The following TMPRSS2 variants were observed in gnomAD, a reference collection of about 807,000 sequenced individuals.
TMPRSS2 encodes the protein transmembrane serine protease 2.
TMPRSS2 carries 59 observed loss-of-function variants against 67.4 expected under a neutral mutation model. The observed-to-expected ratio is 0.88, with a 90% CI of 0.71 to 1.09. The LOEUF is 1.09. Ranked by LOEUF, TMPRSS2 falls within the 50% of genes least tolerant of loss-of-function variation. The probability of loss-of-function intolerance (pLI) is 0.00; values close to 1 mark genes in which losing one functional copy is unlikely to be tolerated. For synonymous variants in TMPRSS2, 257 were observed against 257.0 expected (o/e 1.00, Z 0.00); for missense variants, 668 against 642.7 (o/e 1.04, Z -0.43).
chr21:41,480,783 C>G (rs754302928), intron 5 of TMPRSS2, among the ~76,000 whole-genome samples, 181 bp from the exon 6 acceptor site: 4 of 152,116 alleles, frequency 2.6e-5, no homozygotes, highest in Admixed American at 6.5e-5. Context: ...GGATTACAGG[C>G]GTCCACCACC....
Position 41,494,442 on chromosome 21 carries a change from T to C in TMPRSS2, c.152A>G (p.Gln51Arg), listed in dbSNP as rs752650649. The C allele has an allele frequency of 4.6e-5, 75 of 1,613,374 alleles. No individual in the cohort carries two copies. The highest frequency in any genetic ancestry group is 6.1e-5 in the Non-Finnish European group (72 of 1,179,834). ...CTGCGTCAGGACCCTCGGGGCGTAC[T>C]GGGGCACGGGGGACGGGTAGTACTG... ...PAQYYPSPVP[Q>R]YAPRVLTQAS... The change falls in exon 3 of 14, where the codon CAG becomes CGG. Residue 51 changes from glutamine (Q) to arginine (R), a missense_variant. Transcript: ENST00000332149.
chr21:41,494,312 G>C (rs1445734871), intron 3 of TMPRSS2, 44 bp downstream of exon 3: 1 of 1,604,040 alleles, frequency 6.2e-7, no homozygotes, highest in Non-Finnish European at 8.5e-7. Flanking sequence ...GTAGACCCGG[G>C]ACCCCGGGTT....
intron 11 of TMPRSS2, among the ~76,000 whole-genome samples, chr21:41,469,129 A>T (rs1288933014): frequency 6.6e-6 from 1 of 151,752 alleles, no homozygotes; most frequent in African/African-American, 2.4e-5. Flanking sequence ...CCCACCCCAA[A>T]TTCTCACCAA....
intron 1 of TMPRSS2, among the ~76,000 whole-genome samples, chr21:41,505,643 G>A (rs2091452651): frequency 1.3e-5 from 2 of 152,200 alleles, no homozygotes; most frequent in South Asian, 4.1e-4. Flanking sequence ...GTGGGCAGGG[G>A]CTGGGCTCTT....
At chr21:41,476,504 G>C (rs2091214385) in intron 8 of TMPRSS2, 73 bp downstream of exon 8, 1 of 1,474,030 alleles carries the variant, frequency 6.8e-7, no homozygotes, top group Non-Finnish European at 9.5e-7. Context: ...CAGAGACACA[G>C]GGAGTACTGT....
intron 13 of TMPRSS2, 86 bp from the exon 14 acceptor site, chr21:41,466,239 A>T (rs2146416871): frequency 7.1e-7 from 1 of 1,402,280 alleles, no homozygotes; most frequent in South Asian, 1.2e-5. Context: ...GTTCGCATGA[A>T]GCACTTAGAA....
intron 6 of TMPRSS2, 72 bp from the exon 7 acceptor site, chr21:41,479,354 T>G: frequency 9.1e-7 from 1 of 1,101,042 alleles, no homozygotes. Flanking sequence ...TATGTCATAA[T>G]ACCGCTCATA....
chr21:41,494,684 T>C lies in TMPRSS2; in HGVS notation c.16-106A>G, dbSNP rs1269944295. 5.8e-6 allele frequency: 6 copies of C among 1,042,332 alleles called. No homozygotes were observed. In the South Asian group the frequency reaches 6.8e-5, roughly 12 times the overall value. The allele number at this position is 1,042,332 out of a possible 1,614,324, so 64.6% of individuals were successfully genotyped here. ...ACAGCTATACCAATGATCTTTTAAA[T>C]TGATAATGTTTTTATTTTATTTTGT... is the stretch of plus-strand genomic sequence containing the variant. On this transcript the variant is annotated intron_variant, in intron 2 of 13. Transcript: ENST00000332149.
chr21:41,504,768 A>G (rs2091446425), intron 1 of TMPRSS2, among the ~76,000 whole-genome samples: 1 of 152,140 alleles, frequency 6.6e-6, no homozygotes, highest in Admixed American at 6.5e-5. Flanking sequence ...CTTGCAAGTC[A>G]GGGCTTCCCA....
intron 5 of TMPRSS2, among the ~76,000 whole-genome samples, chr21:41,482,278 C>T (rs578103765): frequency 6.6e-6 from 1 of 152,224 alleles, no homozygotes; most frequent in African/African-American, 2.4e-5. Context: ...TAACCACCAT[C>T]CAGAGTTTTG....
chr21:41,480,977 C>T (rs866828358), intron 5 of TMPRSS2, among the ~76,000 whole-genome samples: 10 of 152,134 alleles, frequency 6.6e-5, no homozygotes, highest in Non-Finnish European at 1.0e-4. Flanking sequence ...ACCCAAGCCC[C>T]GCGCTCTCCA....
At chr21:41,467,579 TG>T (rs1485180763) in intron 13 of TMPRSS2, among the ~76,000 whole-genome samples, 154 bp downstream of exon 13, 2 of 152,038 alleles carry the variant, frequency 1.3e-5, no homozygotes, top group East Asian at 3.9e-4. Context: ...GGGTGGACAC[TG>T]GGGGGATGGG....
At chr21:41,482,569 G>A (rs771543943) in intron 5 of TMPRSS2, among the ~76,000 whole-genome samples, 1 of 152,116 alleles carries the variant, frequency 6.6e-6, no homozygotes, top group Non-Finnish European at 1.5e-5. Flanking sequence ...TACTTCCTAC[G>A]AGTGGCCCTG....
rs1440039183 is a variant in TMPRSS2 at position 41,473,413 on chromosome 21, C to T, written c.811G>A (p.Val271Ile). The T allele has an allele frequency of 6.2e-7, 1 of 1,610,186 alleles. No homozygotes were observed. Among genetic ancestry groups the T allele is most frequent in the South Asian group, 1.1e-5 (1 of 90,536 alleles). ...SALPGAWPWQVSLHVQNVHVC... is the reference protein window; with the variant it reads ...SALPGAWPWQISLHVQNVHVC... The stretch of plus-strand genomic sequence containing the variant: ...TGGACGTTCTGGACGTGCAGGCTGA[C>T]CTGCCAGGGCCAGGCCCCCGGGAGC... The change falls in exon 9 of 14, where the codon GTC (valine) becomes ATC (isoleucine). Residue 271 changes from valine (V) to isoleucine (I), a missense_variant. Val to Ile is a conservative substitution (Grantham distance 29). Transcript: ENST00000332149.
At chr21:41,490,392 G>T (rs1246013890) in intron 3 of TMPRSS2, among the ~76,000 whole-genome samples, 2 of 152,134 alleles carry the variant, frequency 1.3e-5, no homozygotes, top group East Asian at 3.9e-4. Flanking sequence ...GCTACATGTG[G>T]CTATTTAATT....
chr21:41,489,661 C>CTAT, intron 3 of TMPRSS2, 68 bp from the exon 4 acceptor site: 1 of 1,064,986 alleles, frequency 9.4e-7, no homozygotes, highest in Non-Finnish European at 1.4e-6. Flanking sequence ...CAAATGTTAT[C>CTAT]TATTATTTTT....
intron 11 of TMPRSS2, among the ~76,000 whole-genome samples, chr21:41,469,486 T>C (rs1321543892): frequency 6.6e-6 from 1 of 152,056 alleles, no homozygotes; most frequent in East Asian, 1.9e-4. Flanking sequence ...TTCACCATAA[T>C]CCACAAGGAC....
chr21:41,507,522 G>T (rs1174332643), intron 1 of TMPRSS2, among the ~76,000 whole-genome samples: 1 of 152,122 alleles, frequency 6.6e-6, no homozygotes, highest in African/African-American at 2.4e-5. Flanking sequence ...GGTCCCCGCC[G>T]CGCCGGCCGT....
At chr21:41,473,650 C>T (rs2091155923) in intron 8 of TMPRSS2, among the ~76,000 whole-genome samples, 154 bp from the exon 9 acceptor site, 1 of 151,928 alleles carries the variant, frequency 6.6e-6, no homozygotes, top group African/African-American at 2.4e-5. Flanking sequence ...GGGGTCTCCT[C>T]TTGGGGAAGG....
Sources: gnomAD v4.1 joint callset for allele counts (sites outside exome capture counted in the v4.1 genomes callset) on GRCh38, gnomAD v4.1.1 for gene constraint, MANE v1.5 for transcripts, NCBI Gene and HGNC (gene_info 2026-07-23, HGNC 2026-07-21) for gene names.